Variants in EIF2B3 observed in about 807,000 individuals in gnomAD.
EIF2B3 encodes translation initiation factor eIF2B subunit gamma.
EIF2B3 carries 20 observed loss-of-function variants against 54.1 expected under a neutral mutation model. The observed-to-expected ratio is 0.37, with a 90% CI of 0.26 to 0.54. The LOEUF is 0.54. EIF2B3 is among the 20% of genes least tolerant of loss of function. The pLI, the probability that EIF2B3 is intolerant of heterozygous loss-of-function variation, is 0.86. For synonymous variants in EIF2B3, 153 were observed against 188.1 expected, an observed-to-expected ratio of 0.81 and a Z score of 1.52; for missense variants, 448 against 547.8, an observed-to-expected ratio of 0.82 and a Z score of 1.82.
chr1:44,899,866 A>G (rs947888081), intron 5 of EIF2B3, among the ~76,000 whole-genome samples: 3 of 152,226 alleles, frequency 2.0e-5, no homozygotes, highest in Non-Finnish European at 4.4e-5. Context: ...GTTCTACCAA[A>G]AAGACAAGTG....
At chr1:44,948,981 G>A (rs1343945492) in intron 3 of EIF2B3, among the ~76,000 whole-genome samples, 1 of 152,032 alleles carries the variant, frequency 6.6e-6, no homozygotes, top group African/African-American at 2.4e-5. Context: ...CAATTCTTGT[G>A]CCTCAGCCTC....
intron 5 of EIF2B3, among the ~76,000 whole-genome samples, chr1:44,905,703 ATC>A (rs1643399371): frequency 1.3e-5 from 2 of 152,218 alleles, no homozygotes; most frequent in Admixed American, 6.5e-5. Flanking sequence ...AGCCAAGATA[ATC>A]TCTCTTACTT....
At position 44,864,336 on chromosome 1, in the gene EIF2B3, G is replaced by A. The variant is rs547424299; in HGVS notation, c.1203-6529C>T. On this transcript the variant is annotated intron_variant, in intron 10 of 11. Coordinates refer to ENST00000360403, the MANE Select transcript of EIF2B3 (RefSeq NM_020365.5). ...TCCCAGCATTTTGGGAGGCTGAGGCGGGTGGATCACCTGTGGTCAGGAGTT... is the reference window on the plus strand; with the variant it reads ...TCCCAGCATTTTGGGAGGCTGAGGCAGGTGGATCACCTGTGGTCAGGAGTT... Among the ~76,000 whole-genome samples, 13 of 152,112 alleles carry A rather than the reference G, an allele frequency of 8.5e-5. No homozygotes were observed. The East Asian group carries it at 9.7e-4, about 11-fold the overall frequency.
At chr1:44,902,332 C>G (rs940795472) in intron 5 of EIF2B3, among the ~76,000 whole-genome samples, 1 of 152,006 alleles carries the variant, frequency 6.6e-6, no homozygotes, top group Non-Finnish European at 1.5e-5. Flanking sequence ...TTGTCAATTT[C>G]AGCAAAAATA....
chr1:44,926,508 T>C (rs1010878108), intron 5 of EIF2B3, 120 bp downstream of exon 5: 5 of 760,354 alleles, frequency 6.6e-6, no homozygotes, highest in African/African-American at 3.5e-5. Flanking sequence ...AATATTCACA[T>C]ACTTTTGTCA....
Position 44,881,665 on chromosome 1 carries a change from T to C in EIF2B3, c.731A>G (p.Gln244Arg), listed in dbSNP as rs1475528092. The C allele has an allele frequency of 6.2e-7, 1 of 1,614,062 alleles. No homozygotes were observed. The highest frequency in any genetic ancestry group is 1.3e-5 in the African/African-American group (1 of 74,924). The change falls in exon 7 of 12, where the codon CAG becomes CGG. Residue 244 changes from glutamine to arginine, a missense_variant. Coordinates refer to ENST00000360403, the MANE Select transcript of EIF2B3 (RefSeq NM_020365.5). The surrounding 1 kb of genome is among the most constrained non-coding windows in gnomAD (Gnocchi z 4.0). ...ATCCTCCTCTTTTTCTTCTTGTCCC[T>C]GTTGTGAGGAAGCTGAGGAAAACTG... Reference protein sequence around the residue: ...RKQFSSASSQQGQEEKEEDLK... With the variant: ...RKQFSSASSQRGQEEKEEDLK...
At chr1:44,876,625 C>T (rs1366386452) in intron 8 of EIF2B3, among the ~76,000 whole-genome samples, 1 of 83,234 alleles carries the variant, frequency 1.2e-5, no homozygotes, top group African/African-American at 5.8e-5. Context: ...GTGAGGGGCG[C>T]TTCTGCCTGG....
chr1:44,963,629 G>C (rs189135586), intron 3 of EIF2B3, among the ~76,000 whole-genome samples: 1 of 152,258 alleles, frequency 6.6e-6, no homozygotes, highest in African/African-American at 2.4e-5. Flanking sequence ...GTAGCTACAG[G>C]CTACTTCAAA....
intron 4 of EIF2B3, among the ~76,000 whole-genome samples, chr1:44,934,752 ACCTCAGCCTC>A (rs1173587989): frequency 6.6e-6 from 1 of 151,686 alleles, no homozygotes; most frequent in African/African-American, 2.4e-5. Context: ...TGATCCACCC[ACCTCAGCCTC>A]CCAAAGTGCT....
At chr1:44,962,619 T>C (rs2148955090) in intron 3 of EIF2B3, among the ~76,000 whole-genome samples, 1 of 152,250 alleles carries the variant, frequency 6.6e-6, no homozygotes, top group East Asian at 1.9e-4. Context: ...CTCACCATCT[T>C]GCCCAGGTTG....
intron 6 of EIF2B3, among the ~76,000 whole-genome samples, chr1:44,887,302 G>C (rs1309728125): frequency 2.0e-5 from 3 of 152,158 alleles, no homozygotes; most frequent in Admixed American, 1.3e-4. Context: ...GTAAAATTTG[G>C]CTCTTGAAAA....
chr1:44,893,824 C>T (rs988511881), intron 6 of EIF2B3, among the ~76,000 whole-genome samples: 2 of 149,150 alleles, frequency 1.3e-5, no homozygotes, highest in Non-Finnish European at 3.0e-5. Flanking sequence ...ATCTTTAAGT[C>T]TCTTAAAGAG....
intron 10 of EIF2B3, 126 bp from the exon 11 acceptor site, chr1:44,857,933 G>A (rs2148893288): frequency 1.2e-6 from 1 of 839,920 alleles, no homozygotes; most frequent in South Asian, 1.4e-5. Context: ...ATGGCTACGT[G>A]CCTCAAGTTA....
chr1:44,954,953 G>A (rs899992221), intron 3 of EIF2B3, among the ~76,000 whole-genome samples: 11 of 152,112 alleles, frequency 7.2e-5, no homozygotes, highest in Non-Finnish European at 1.2e-4. Flanking sequence ...TTTTATTGAA[G>A]GCTTTTTCTG....
intron 11 of EIF2B3, 86 bp from the exon 12 acceptor site, chr1:44,851,089 A>C: frequency 1.5e-6 from 2 of 1,363,352 alleles, no homozygotes; most frequent in South Asian, 2.3e-5. Flanking sequence ...TTGGAGACCG[A>C]GTTTCGCTCT....
chr1:44,980,462 G>A (rs1007907957), intron 2 of EIF2B3, among the ~76,000 whole-genome samples: 3 of 151,834 alleles, frequency 2.0e-5, no homozygotes, highest in Non-Finnish European at 4.4e-5. Context: ...GGGTGGCAGC[G>A]TGAGACTCTG....
chr1:44,970,501 C>T (rs1490948794), intron 3 of EIF2B3, among the ~76,000 whole-genome samples: 1 of 152,006 alleles, frequency 6.6e-6, no homozygotes, highest in East Asian at 1.9e-4. Flanking sequence ...GGAAACAGAC[C>T]AAAAGAGCCT....
chr1:44,883,117 T>C (rs1655465460), intron 6 of EIF2B3, among the ~76,000 whole-genome samples: 2 of 151,174 alleles, frequency 1.3e-5, no homozygotes, highest in East Asian at 2.0e-4. Flanking sequence ...TGAGTAGAGA[T>C]GGTGTCTCGT....
At chr1:44,851,438 T>G (rs964914498) in intron 11 of EIF2B3, among the ~76,000 whole-genome samples, 49 of 152,162 alleles carry the variant, frequency 3.2e-4, no homozygotes, top group African/African-American at 1.2e-3. Flanking sequence ...CTTGAGAAGC[T>G]CTTGGAAATA....
Sources: gnomAD v4.1 joint callset for allele counts (sites outside exome capture counted in the v4.1 genomes callset) on GRCh38, gnomAD v4.1.1 for gene constraint, Gnocchi (gnomAD v3.1) non-coding constraint, MANE v1.5 for transcripts, NCBI Gene and HGNC (gene_info 2026-07-23, HGNC 2026-07-21) for gene names.